The following TBC1D1 variants were observed in gnomAD, a reference collection of about 807,000 sequenced individuals.
TBC1D1 encodes the protein TBC1 (tre-2/USP6, BUB2, cdc16) domain family, member 1.
TBC1D1 carries 89 observed loss-of-function variants against 125.6 expected under a neutral mutation model. The observed-to-expected ratio is 0.71, with a 90% CI of 0.60 to 0.85. The LOEUF is 0.85. Among genes scored for constraint, TBC1D1 ranks in the 40% least tolerant of loss-of-function variants. The pLI is 0.00. For missense variants in TBC1D1, 1,377 were observed against 1,469.2 expected (o/e 0.94, Z 1.03); for synonymous variants, 565 against 564.1 (o/e 1.00, Z -0.02).
intron 1 of TBC1D1, 125 bp from the exon 2 acceptor site, chr4:37,901,878 G>T (rs1447598177): frequency 2.1e-6 from 1 of 471,600 alleles, no homozygotes. Flanking sequence ...AGGCAGAGAA[G>T]CTTATTTGAA....
At chr4:37,930,348 G>A (rs1381103503) in intron 2 of TBC1D1, among the ~76,000 whole-genome samples, 1 of 152,148 alleles carries the variant, frequency 6.6e-6, no homozygotes, top group Non-Finnish European at 1.5e-5. Flanking sequence ...TTGAGACAGA[G>A]TCTCACTCTG....
rs1418506540 is a variant in TBC1D1, at chr4:38,096,104, G to A, written c.2398+14G>A. 1.2e-6 allele frequency: 2 copies of A among 1,607,532 alleles called. No homozygotes were observed. The highest frequency in any genetic ancestry group is 1.7e-6 in the Non-Finnish European group (2 of 1,176,306). On this transcript the variant is annotated intron_variant, in intron 14 of 19. Transcript: ENST00000261439. ...CTGTTGGGCAAGGTAAGCTTCATTGGGAAGCATCTAGTCAACCTCACCCCT... is the reference window on the plus strand; with the variant it reads ...CTGTTGGGCAAGGTAAGCTTCATTGAGAAGCATCTAGTCAACCTCACCCCT...
intron 2 of TBC1D1, among the ~76,000 whole-genome samples, chr4:37,996,452 G>A (rs1264706995): frequency 6.6e-6 from 1 of 152,192 alleles, no homozygotes; most frequent in Non-Finnish European, 1.5e-5. Flanking sequence ...TGATTTGCCT[G>A]TTGATCAAAG....
chr4:38,043,427 G>A (rs1402721059), intron 8 of TBC1D1, among the ~76,000 whole-genome samples: 3 of 151,542 alleles, frequency 2.0e-5, no homozygotes, highest in Non-Finnish European at 4.4e-5. Context: ...GTGAAACCCC[G>A]TCTCTACAAA....
intron 2 of TBC1D1, among the ~76,000 whole-genome samples, chr4:37,984,915 G>C (rs892114330): frequency 3.3e-5 from 5 of 151,786 alleles, no homozygotes; most frequent in Non-Finnish European, 7.4e-5. Context: ...ACGAACATCT[G>C]TACAACCTAT....
chr4:38,136,768 C>T (rs1375304648), intron 19 of TBC1D1, among the ~76,000 whole-genome samples: 5 of 152,180 alleles, frequency 3.3e-5, no homozygotes, highest in Admixed American at 2.0e-4. Context: ...GTGTCACTGA[C>T]GCCCACTTCA....
chr4:38,073,426 C>T (rs1011863906), intron 12 of TBC1D1, among the ~76,000 whole-genome samples: 6 of 152,134 alleles, frequency 3.9e-5, no homozygotes, highest in East Asian at 1.9e-4. Flanking sequence ...TCCTAGTGAG[C>T]GTGAGGTAAT....
At position 38,115,714 on chromosome 4, in the gene TBC1D1, A is replaced by T. The variant is rs745335238; in HGVS notation, c.2562A>T (p.Arg854=). 1.7e-5 allele frequency: 28 copies of T among 1,613,318 alleles called. No homozygotes were observed. The East Asian group carries it at 5.8e-4, about 33-fold the overall frequency. The change falls in exon 16 of 20, where the codon CGA becomes CGT. Residue 854 remains arginine, a synonymous_variant. Coordinates refer to ENST00000261439, the MANE Select transcript of TBC1D1 (RefSeq NM_015173.4). ...TAATATGTATTCTTTTCACAGGGCGAACCTTTCCTACACACCCATACTTCT... is the reference window on the plus strand; with the variant it reads ...TAATATGTATTCTTTTCACAGGGCGTACCTTTCCTACACACCCATACTTCT...
In TBC1D1 at chr4:38,115,947, T is replaced by A; in HGVS notation, c.2795T>A (p.Ile932Asn). The change falls in exon 16 of 20, where the codon ATT (isoleucine) becomes AAT (asparagine). Residue 932 changes from isoleucine (I) to asparagine (N), a missense_variant. Physicochemically the swap from Ile to Asn is moderately radical, Grantham distance 149. Around this residue, in one of 3 missense-constraint regions of TBC1D1, gnomAD observed 543 missense variants for 613.5 expected, o/e 0.89. Coordinates refer to ENST00000261439, the MANE Select transcript of TBC1D1 (RefSeq NM_015173.4). ...AAACAGTATCGGCCAGACATGATTA[T>A]TTTACAGGTATAGAGTGTTCCTTAT... The A allele has an allele frequency of 6.2e-7, 1 of 1,614,120 alleles. No individual in the cohort carries two copies. Among genetic ancestry groups the A allele is most frequent in the South Asian group, 1.1e-5 (1 of 91,074 alleles).
chr4:37,951,891 G>A (rs955835860), intron 2 of TBC1D1: 2 of 695,518 alleles, frequency 2.9e-6, no homozygotes, highest in South Asian at 1.5e-5. Flanking sequence ...CTGACATGGA[G>A]TTCAGGTGAT....
chr4:38,015,019 T>C, intron 3 of TBC1D1, 46 bp downstream of exon 3: 1 of 1,469,290 alleles, frequency 6.8e-7, no homozygotes, highest in East Asian at 2.3e-5. Context: ...TGCCATACGC[T>C]TTCAAGAGAA....
At chr4:38,075,540 T>C (rs1755440622) in intron 12 of TBC1D1, among the ~76,000 whole-genome samples, 2 of 152,220 alleles carry the variant, frequency 1.3e-5, no homozygotes, top group South Asian at 4.1e-4. Flanking sequence ...TTTTAAACTT[T>C]TTGTTTCATC....
chr4:37,986,100 C>T (rs887758043), intron 2 of TBC1D1, among the ~76,000 whole-genome samples: 1 of 152,182 alleles, frequency 6.6e-6, no homozygotes, highest in African/African-American at 2.4e-5. Flanking sequence ...CCAGCACTGC[C>T]TATGGCCCTC....
chr4:38,079,600 A>C (rs1051012279), intron 12 of TBC1D1, among the ~76,000 whole-genome samples: 11 of 152,160 alleles, frequency 7.2e-5, no homozygotes, highest in African/African-American at 2.4e-4. Context: ...GGTGGTGTGC[A>C]CCCATAATTG....
At chr4:37,921,148 C>T (rs1577862497) in intron 2 of TBC1D1, among the ~76,000 whole-genome samples, 1 of 139,738 alleles carries the variant, frequency 7.2e-6, no homozygotes, top group South Asian at 2.3e-4. Flanking sequence ...TGGAGACAAA[C>T]GACAACAGTG....
chr4:37,904,792 C>G (rs184211721), intron 2 of TBC1D1, among the ~76,000 whole-genome samples: 1 of 152,328 alleles, frequency 6.6e-6, no homozygotes. Context: ...ATACCTCAAT[C>G]AGTGATTTTG....
intron 2 of TBC1D1, among the ~76,000 whole-genome samples, chr4:37,990,540 G>A (rs549223575): frequency 5.9e-5 from 9 of 152,186 alleles, no homozygotes; most frequent in African/African-American, 2.4e-5. Flanking sequence ...TGTATAATAA[G>A]CATGAAATAT....
At chr4:38,034,467 C>A (rs1026453205) in intron 7 of TBC1D1, among the ~76,000 whole-genome samples, 1 of 152,198 alleles carries the variant, frequency 6.6e-6, no homozygotes, top group African/African-American at 2.4e-5. Flanking sequence ...TACCTTTAAT[C>A]TTTTTCGTTA....
chr4:38,027,792 G>T lies in TBC1D1; in HGVS notation c.1215G>T (p.Met405Ile), dbSNP rs768466492. ...CTCTCTTTTTTCTCTTAATAGGAATGAATTCTTCCAAAACAAAACTAGAAC... is the reference window on the plus strand; with the variant it reads ...CTCTCTTTTTTCTCTTAATAGGAATTAATTCTTCCAAAACAAAACTAGAAC... The change falls in exon 7 of 20, where the codon ATG (methionine) becomes ATT (isoleucine). Residue 405 changes from methionine (M) to isoleucine (I), a missense_variant. By Grantham distance (10) the Met-to-Ile change is conservative (BLOSUM62 1). Transcript: ENST00000261439. The T allele has an allele frequency of 1.9e-6, 3 of 1,608,970 alleles. No individual in the cohort carries two copies. The highest frequency in any genetic ancestry group is 1.1e-5 in the South Asian group (1 of 90,008).
Sources: gnomAD v4.1 joint callset for allele counts (sites outside exome capture counted in the v4.1 genomes callset) on GRCh38, gnomAD v4.1.1 for gene constraint, gnomAD v4.1.1 regional missense constraint, MANE v1.5 for transcripts, NCBI Gene and HGNC (gene_info 2026-07-23, HGNC 2026-07-21) for gene names.